SCMH1: variants seen among roughly 807,000 people sequenced by gnomAD.
The protein encoded by SCMH1 is Scm polycomb group protein homolog 1.
Under a neutral mutation model 70.8 loss-of-function variants are expected in SCMH1, and 37 were observed. That is an observed-to-expected ratio of 0.52 (90% confidence interval 0.40 to 0.69). The LOEUF (loss-of-function observed/expected upper bound fraction) is 0.69, where lower values mean the gene tolerates loss of function less well. SCMH1 is among the 30% of genes least tolerant of loss of function. The pLI is 0.00. For missense variants in SCMH1, 607 were observed against 827.3 expected (o/e 0.73, Z 3.27); for synonymous variants, 292 against 307.4 (o/e 0.95, Z 0.52).
intron 5 of SCMH1, among the ~76,000 whole-genome samples, chr1:41,143,335 A>G (rs1369176678): frequency 6.6e-6 from 1 of 152,166 alleles, no homozygotes. Context: ...TAAAAAAAGG[A>G]CAAGAATGTC....
At chr1:41,074,229 C>G (rs571824651) in intron 9 of SCMH1, among the ~76,000 whole-genome samples, 1 of 152,180 alleles carries the variant, frequency 6.6e-6, no homozygotes, top group South Asian at 2.1e-4. Flanking sequence ...TTGTGTCCCT[C>G]AGGAAATGTG....
At chr1:41,199,913 T>C (rs1441547399) in intron 1 of SCMH1, among the ~76,000 whole-genome samples, 1 of 152,178 alleles carries the variant, frequency 6.6e-6, no homozygotes, top group Non-Finnish European at 1.5e-5. Flanking sequence ...TCAAAGTCCA[T>C]CCTCTTTTCG....
At position 41,049,216 on chromosome 1, in the gene SCMH1, A is replaced by AT. The variant is rs1462060956; in HGVS notation, c.1106-327dup. The stretch of plus-strand genomic sequence containing the variant: ...CAATTCCCCTCTTGTACGTACTTCC[A>AT]TTTTTTTGTACTTGGTTGCCTCACA... On this transcript the variant is annotated intron_variant, in intron 10 of 14. Transcript: ENST00000337495. Among the ~76,000 whole-genome samples, 7 of 152,070 alleles carry AT rather than the reference A, an allele frequency of 4.6e-5. No individual in the cohort carries two copies. The East Asian group carries it at 1.2e-3, about 25-fold the overall frequency.
intron 10 of SCMH1, among the ~76,000 whole-genome samples, chr1:41,060,235 C>CAT (rs1212931085): frequency 6.6e-6 from 1 of 152,040 alleles, no homozygotes; most frequent in Non-Finnish European, 1.5e-5. Context: ...TACACCTAGG[C>CAT]ATATCATTTT....
intron 2 of SCMH1, among the ~76,000 whole-genome samples, chr1:41,179,495 G>T (rs987705108): frequency 4.6e-5 from 7 of 151,810 alleles, no homozygotes; most frequent in African/African-American, 1.5e-4. Flanking sequence ...AAAGAGAGAA[G>T]AATCAAATAG....
chr1:41,147,486 T>C (rs1283947192), intron 5 of SCMH1, among the ~76,000 whole-genome samples: 1 of 152,192 alleles, frequency 6.6e-6, no homozygotes. Flanking sequence ...TTTTGTGAAA[T>C]GCAGGTACTT....
intron 2 of SCMH1, among the ~76,000 whole-genome samples, chr1:41,183,867 T>A (rs1473987129): frequency 6.6e-6 from 1 of 152,178 alleles, no homozygotes; most frequent in African/African-American, 2.4e-5. Flanking sequence ...ATATGTCATT[T>A]ATATTTAGTT....
intron 8 of SCMH1, among the ~76,000 whole-genome samples, chr1:41,097,479 C>CT (rs1366422893): frequency 6.6e-6 from 1 of 152,054 alleles, no homozygotes; most frequent in African/African-American, 2.4e-5. Context: ...CATTTCTTTT[C>CT]TTTTTTAGAA....
intron 1 of SCMH1, among the ~76,000 whole-genome samples, chr1:41,186,793 G>C (rs1359688140): frequency 6.6e-6 from 1 of 152,234 alleles, no homozygotes; most frequent in Non-Finnish European, 1.5e-5. Flanking sequence ...TGAGGACTCA[G>C]AGAGAAGGTG....
intron 1 of SCMH1, among the ~76,000 whole-genome samples, chr1:41,203,894 C>T (rs1252338424): frequency 4.6e-5 from 7 of 152,140 alleles, no homozygotes; most frequent in East Asian, 1.9e-4. Flanking sequence ...AATCTCTGTT[C>T]GGGGCTCTCA....
At chr1:41,037,503 A>G (rs1331683696) in exon 13 of SCMH1, 1 of 1,614,112 alleles carries the variant, frequency 6.2e-7, no homozygotes, top group Non-Finnish European at 8.5e-7. Flanking sequence ...TGTGGTTCCA[A>G]GGAGCGGGCC....
chr1:41,080,930 G>T (rs1032734736), intron 8 of SCMH1, among the ~76,000 whole-genome samples: 13 of 152,110 alleles, frequency 8.5e-5, no homozygotes, highest in African/African-American at 2.9e-4. Context: ...GAAAGGAAAA[G>T]AAATAAAATC....
chr1:41,082,058 G>A (rs1030483794), intron 8 of SCMH1, among the ~76,000 whole-genome samples: 1 of 152,108 alleles, frequency 6.6e-6, no homozygotes, highest in African/African-American at 2.4e-5. Flanking sequence ...AAAAATTAAT[G>A]TGAAGGCTAA....
At chr1:41,236,569 G>A (rs1662426316) in intron 1 of SCMH1, among the ~76,000 whole-genome samples, 1 of 152,190 alleles carries the variant, frequency 6.6e-6, no homozygotes, top group African/African-American at 2.4e-5. Context: ...AAAGATAACA[G>A]GTGATAAGTC....
intron 10 of SCMH1, among the ~76,000 whole-genome samples, chr1:41,055,378 C>T (rs193248848): frequency 3.3e-5 from 5 of 152,046 alleles, no homozygotes; most frequent in Admixed American, 3.3e-4. Flanking sequence ...GAGATGGAGT[C>T]TCACTCTGTC....
intron 2 of SCMH1, among the ~76,000 whole-genome samples, chr1:41,172,008 A>G (rs534568438): frequency 4.6e-5 from 7 of 152,232 alleles, no homozygotes; most frequent in South Asian, 4.2e-4. Flanking sequence ...CCTGGGCAAC[A>G]TGGCAAGACC....
At position 41,091,987 on chromosome 1, in the gene SCMH1, A is replaced by T. The variant is rs201828630; in HGVS notation, c.746-16536T>A. 4.7e-4 allele frequency among the ~76,000 whole-genome samples: 71 copies of T among 152,320 alleles called. No individual in the cohort carries two copies. In the East Asian group the frequency reaches 0.013, roughly 28 times the overall value. On this transcript the variant is annotated intron_variant, in intron 8 of 14. Transcript: ENST00000337495. Reference sequence around the variant, plus strand: ...GATTCAATGCCATCCCCATCAAGCTACCAATGACTTTCTTCACAGAATTGG... The same window carrying T: ...GATTCAATGCCATCCCCATCAAGCTTCCAATGACTTTCTTCACAGAATTGG...
At chr1:41,133,181 A>C (rs975341880) in intron 6 of SCMH1, among the ~76,000 whole-genome samples, 1 of 152,060 alleles carries the variant, frequency 6.6e-6, no homozygotes, top group Non-Finnish European at 1.5e-5. Flanking sequence ...TGAGCGTGGA[A>C]TGTTCTTCCA....
chr1:41,185,427 T>C (rs1377666894), intron 2 of SCMH1, among the ~76,000 whole-genome samples: 2 of 151,964 alleles, frequency 1.3e-5, no homozygotes, highest in Admixed American at 6.5e-5. Flanking sequence ...GCTCAAGCAA[T>C]TGGCCCACTT....
Sources: allele counts gnomAD v4.1 joint callset (sites outside exome capture counted in the v4.1 genomes callset), GRCh38; gene constraint gnomAD v4.1.1; transcripts MANE v1.5; gene names NCBI Gene and HGNC (gene_info 2026-07-23, HGNC 2026-07-21).